The following CDH8 variants were observed in gnomAD, a reference collection of about 807,000 sequenced individuals.
The protein encoded by CDH8 is cadherin-8.
CDH8 carries 17 observed loss-of-function variants against 68.1 expected under a neutral mutation model. The ratio of observed to expected loss-of-function variants is 0.25; its 90% confidence interval spans 0.17 to 0.37. CDH8 has a LOEUF of 0.37. Among genes scored for constraint, CDH8 ranks in the 10% least tolerant of loss-of-function variants. The probability of loss-of-function intolerance (pLI) is 1.00; values close to 1 mark genes in which losing one functional copy is unlikely to be tolerated. For synonymous variants in CDH8, 372 were observed against 365.1 expected, an observed-to-expected ratio of 1.02 and a Z score of -0.21; for missense variants, 763 against 999.3, an observed-to-expected ratio of 0.76 and a Z score of 3.19.
intron 8 of CDH8, among the ~76,000 whole-genome samples, chr16:61,768,311 C>CTCTCTCTGTGTCTCTCTCTCT (rs1567461041): frequency 6.1e-5 from 1 of 16,398 alleles, no homozygotes; most frequent in Non-Finnish European, 1.2e-4. Flanking sequence ...TGTGTCTCTC[C>CTCTCTCTGTGTCTCTCTCTCT]CTTTCTCTCT....
At chr16:61,902,473 A>G (rs549077942) in intron 2 of CDH8, among the ~76,000 whole-genome samples, 1 of 152,188 alleles carries the variant, frequency 6.6e-6, no homozygotes, top group East Asian at 1.9e-4. Flanking sequence ...AATTTTTAAA[A>G]GAAAAGCCCA....
chr16:61,768,314 TTC>T (rs1206629963), intron 8 of CDH8, among the ~76,000 whole-genome samples: 235 of 17,174 alleles, frequency 0.014, 5 homozygotes, highest in South Asian at 0.019. Context: ...GTCTCTCCCT[TTC>T]TCTCTCTCTC....
intron 10 of CDH8, among the ~76,000 whole-genome samples, chr16:61,695,625 G>A (rs1964310466): frequency 6.6e-6 from 1 of 152,116 alleles, no homozygotes; most frequent in African/African-American, 2.4e-5. Flanking sequence ...TCCAGACACT[G>A]TCAAATATCT....
At chr16:61,930,674 T>C (rs2143474739) in intron 2 of CDH8, among the ~76,000 whole-genome samples, 1 of 152,302 alleles carries the variant, frequency 6.6e-6, no homozygotes, top group East Asian at 1.9e-4. Context: ...CTTTATTTCA[T>C]AAAAATAAGC....
At chr16:61,767,912 C>A (rs1023121094) in intron 8 of CDH8, among the ~76,000 whole-genome samples, 2 of 151,932 alleles carry the variant, frequency 1.3e-5, no homozygotes, top group Non-Finnish European at 1.5e-5. Flanking sequence ...GCTGCAAAGT[C>A]TTTAGAACTC....
At chr16:61,853,805 T>C (rs545701149) in intron 4 of CDH8, among the ~76,000 whole-genome samples, 6 of 152,236 alleles carry the variant, frequency 3.9e-5, no homozygotes, top group Admixed American at 2.6e-4. Flanking sequence ...TTTTGACCCA[T>C]AGCATGCATT....
intron 8 of CDH8, among the ~76,000 whole-genome samples, chr16:61,771,956 G>A (rs1430180205): frequency 2.0e-5 from 3 of 151,860 alleles, no homozygotes; most frequent in Admixed American, 6.6e-5. Flanking sequence ...CTCATTCATT[G>A]TTAAATTATG....
intron 3 of CDH8, among the ~76,000 whole-genome samples, chr16:61,885,959 G>C (rs1167295178): frequency 6.6e-6 from 1 of 152,166 alleles, no homozygotes; most frequent in South Asian, 2.1e-4. Context: ...AGTCAGCACA[G>C]AGTCTTTTTT....
At chr16:61,956,314 T>A (rs1239468751) in intron 2 of CDH8, among the ~76,000 whole-genome samples, 1 of 152,174 alleles carries the variant, frequency 6.6e-6, no homozygotes, top group Non-Finnish European at 1.5e-5. Context: ...TTTGTTTTGT[T>A]CTAAAAGAGG....
At chr16:61,960,013 T>TATATATATATATATATATATAC (rs1428445364) in intron 2 of CDH8, among the ~76,000 whole-genome samples, 2 of 80,552 alleles carry the variant, frequency 2.5e-5, no homozygotes, top group African/African-American at 9.0e-5. Flanking sequence ...TATATATATA[T>TATATATATATATATATATATAC]ATACACACAT....
intron 10 of CDH8, among the ~76,000 whole-genome samples, chr16:61,684,678 C>T (rs1015749666): frequency 1.3e-5 from 2 of 151,926 alleles, no homozygotes; most frequent in African/African-American, 2.4e-5. Context: ...CAGTGCTCTG[C>T]GCTGTACTGC....
intron 3 of CDH8, among the ~76,000 whole-genome samples, chr16:61,872,957 G>A (rs1963396750): frequency 6.6e-6 from 1 of 152,194 alleles, no homozygotes; most frequent in Non-Finnish European, 1.5e-5. Flanking sequence ...GCATTCTAAA[G>A]AGCAGTCAGT....
chr16:61,981,522 A>T (rs944468668), intron 2 of CDH8, among the ~76,000 whole-genome samples: 6 of 152,132 alleles, frequency 3.9e-5, no homozygotes, highest in African/African-American at 1.4e-4. Flanking sequence ...GCACAGAGTC[A>T]GTTTCCCTGG....
intron 7 of CDH8, among the ~76,000 whole-genome samples, chr16:61,798,805 A>G (rs1961555468): frequency 6.6e-6 from 1 of 152,194 alleles, no homozygotes; most frequent in South Asian, 2.1e-4. Context: ...TAACATGTTC[A>G]ATTACTCTAT....
At chr16:61,740,246 C>G (rs2142922097) in intron 8 of CDH8, among the ~76,000 whole-genome samples, 1 of 151,868 alleles carries the variant, frequency 6.6e-6, no homozygotes, top group Admixed American at 6.6e-5. Context: ...AGCCAATGCA[C>G]AAGTATAATA....
chr16:61,964,324 C>T (rs1765494909), intron 2 of CDH8, among the ~76,000 whole-genome samples: 2 of 152,166 alleles, frequency 1.3e-5, no homozygotes, highest in African/African-American at 4.8e-5. Context: ...CAGTTCAGGG[C>T]ACCAGGTGGG....
intron 2 of CDH8, among the ~76,000 whole-genome samples, chr16:62,020,498 G>GCGCA (rs1403614261): frequency 1.3e-4 from 19 of 149,656 alleles, no homozygotes; most frequent in Non-Finnish European, 2.7e-4. Context: ...ACGCGCGCGC[G>GCGCA]CACACACACA....
intron 2 of CDH8, among the ~76,000 whole-genome samples, chr16:61,912,679 T>C (rs1423406809): frequency 6.6e-6 from 1 of 152,158 alleles, no homozygotes; most frequent in African/African-American, 2.4e-5. Flanking sequence ...TGAATTACAG[T>C]GACCAGATAT....
chr16:61,893,652 G>A (rs897428310), intron 3 of CDH8, among the ~76,000 whole-genome samples: 15 of 152,066 alleles, frequency 9.9e-5, no homozygotes, highest in African/African-American at 1.4e-4. Flanking sequence ...CAAACAGCGC[G>A]TTGGGCCAAA....
Sources: gnomAD v4.1 joint callset for allele counts (sites outside exome capture counted in the v4.1 genomes callset) on GRCh38, gnomAD v4.1.1 for gene constraint, MANE v1.5 for transcripts, NCBI Gene and HGNC (gene_info 2026-07-23, HGNC 2026-07-21) for gene names.